The following MARCHF1 variants were observed in gnomAD, a reference collection of about 807,000 sequenced individuals.
MARCHF1 encodes membrane associated ring-CH-type finger 1, also known as E3 ubiquitin-protein ligase MARCHF1.
MARCHF1 carries 40 observed loss-of-function variants against 54.2 expected under a neutral mutation model. The ratio of observed to expected loss-of-function variants is 0.74; its 90% CI spans 0.57 to 0.96. The LOEUF is 0.96. MARCHF1 is among the 40% of genes least tolerant of loss of function. MARCHF1 has a pLI of 0.00. For synonymous variants in MARCHF1, 236 were observed against 236.3 expected (o/e 1.00, Z 0.01); for missense variants, 586 against 656.5 (o/e 0.89, Z 1.17).
chr4:163,841,361 G>A (rs984775666), intron 4 of MARCHF1, among the ~76,000 whole-genome samples: 4 of 152,014 alleles, frequency 2.6e-5, no homozygotes, highest in African/African-American at 7.2e-5. Flanking sequence ...GACTATGCTT[G>A]TGTAGGGGCT....
chr4:163,692,662 C>T (rs1744501952), intron 5 of MARCHF1, among the ~76,000 whole-genome samples: 2 of 144,544 alleles, frequency 1.4e-5, no homozygotes, highest in Non-Finnish European at 3.1e-5. Context: ...AGCAGCAAGA[C>T]ATTAGCTAAC....
chr4:163,969,850 G>A (rs2110835530), intron 3 of MARCHF1, among the ~76,000 whole-genome samples: 1 of 152,258 alleles, frequency 6.6e-6, no homozygotes, highest in Admixed American at 6.5e-5. Flanking sequence ...CATGTTTTGG[G>A]GGAAAACGTA....
At chr4:164,139,232 G>A (rs529725901) in intron 1 of MARCHF1, among the ~76,000 whole-genome samples, 1 of 152,038 alleles carries the variant, frequency 6.6e-6, no homozygotes, top group Non-Finnish European at 1.5e-5. Flanking sequence ...GAAATGCAGT[G>A]TTCTTTACTT....
chr4:163,868,767 T>C (rs1487719362), intron 3 of MARCHF1, among the ~76,000 whole-genome samples: 1 of 151,232 alleles, frequency 6.6e-6, no homozygotes, highest in Non-Finnish European at 1.5e-5. Flanking sequence ...ACTGGTGATT[T>C]AAAAAAAAAT....
intron 2 of MARCHF1, among the ~76,000 whole-genome samples, chr4:164,076,197 C>G (rs1170080952): frequency 6.6e-6 from 1 of 151,506 alleles, no homozygotes; most frequent in Non-Finnish European, 1.5e-5. Context: ...AGAAAACAAA[C>G]AAATTGGAAT....
At chr4:163,938,272 G>A (rs940124466) in intron 3 of MARCHF1, among the ~76,000 whole-genome samples, 3 of 152,110 alleles carry the variant, frequency 2.0e-5, no homozygotes, top group African/African-American at 7.2e-5. Flanking sequence ...AAGCTTTGGG[G>A]CACAAAAAGC....
At chr4:164,072,760 A>G (rs1754896419) in intron 2 of MARCHF1, among the ~76,000 whole-genome samples, 1 of 152,012 alleles carries the variant, frequency 6.6e-6, no homozygotes, top group African/African-American at 2.4e-5. Context: ...ATTTCATAGG[A>G]AAACACTGAT....
intron 8 of MARCHF1, among the ~76,000 whole-genome samples, chr4:163,572,334 T>TTTA (rs1491171835): frequency 1.4e-5 from 2 of 146,036 alleles, no homozygotes; most frequent in Non-Finnish European, 3.1e-5. Context: ...TTTTTTTTTT[T>TTTA]AAATAAATTG....
intron 2 of MARCHF1, among the ~76,000 whole-genome samples, chr4:164,063,051 C>G (rs1754654465): frequency 6.6e-6 from 1 of 152,146 alleles, no homozygotes; most frequent in African/African-American, 2.4e-5. Flanking sequence ...GGGGTTAAAA[C>G]GTTCAGTAAC....
chr4:164,344,527 A>T (rs2110856899), intron 1 of MARCHF1, among the ~76,000 whole-genome samples: 1 of 152,034 alleles, frequency 6.6e-6, no homozygotes, highest in East Asian at 1.9e-4. Flanking sequence ...TGAAGACTTT[A>T]TCTGCACTGA....
At chr4:164,257,778 G>C (rs1244346107) in intron 1 of MARCHF1, among the ~76,000 whole-genome samples, 1 of 152,088 alleles carries the variant, frequency 6.6e-6, no homozygotes, top group Non-Finnish European at 1.5e-5. Flanking sequence ...GACCAGCTTG[G>C]CCAATATGGC....
intron 1 of MARCHF1, among the ~76,000 whole-genome samples, chr4:164,364,166 C>G (rs1730808694): frequency 6.6e-6 from 1 of 151,970 alleles, no homozygotes; most frequent in Admixed American, 6.6e-5. Context: ...TTTTTAATAA[C>G]CTTTAGTCAG....
At chr4:164,080,488 A>G (rs1755072205) in intron 2 of MARCHF1, among the ~76,000 whole-genome samples, 1 of 152,178 alleles carries the variant, frequency 6.6e-6, no homozygotes, top group South Asian at 2.1e-4. Context: ...GTTAGAGGAA[A>G]AAAATAGAGC....
rs1271007935 is a variant in MARCHF1 at position 164,320,364 on chromosome 4, C to T, written c.-323+63506G>A. On this transcript the variant is annotated intron_variant, in intron 1 of 9. Coordinates refer to ENST00000514618, the MANE Select transcript of MARCHF1 (RefSeq NM_001394959.1). Reference sequence around the variant, plus strand: ...ATGAGAGGGGAGCCCTTGCAAAACACCACAAGTAGGAGAAGTAGGAGAACT... The same window carrying T: ...ATGAGAGGGGAGCCCTTGCAAAACATCACAAGTAGGAGAAGTAGGAGAACT... Among the ~76,000 whole-genome samples the T allele has an allele frequency of 2.6e-5, 4 of 152,040 alleles. No homozygotes were observed. In the South Asian group the frequency reaches 8.3e-4, roughly 32 times the overall value.
intron 4 of MARCHF1, among the ~76,000 whole-genome samples, chr4:163,820,385 T>C (rs1748658428): frequency 6.6e-6 from 1 of 152,080 alleles, no homozygotes; most frequent in South Asian, 2.1e-4. Flanking sequence ...TACCCTTCAC[T>C]ACTTGGCCAT....
At chr4:164,026,688 G>T (rs1054988002) in intron 2 of MARCHF1, among the ~76,000 whole-genome samples, 2 of 152,070 alleles carry the variant, frequency 1.3e-5, no homozygotes, top group African/African-American at 2.4e-5. Context: ...AGACAAGGAT[G>T]CCCAGTCTCA....
At chr4:164,208,451 A>G (rs1031165096) in intron 1 of MARCHF1, among the ~76,000 whole-genome samples, 2 of 152,214 alleles carry the variant, frequency 1.3e-5, no homozygotes, top group Admixed American at 6.5e-5. Flanking sequence ...GTATTTGTAG[A>G]CAAACTGCAG....
intron 2 of MARCHF1, among the ~76,000 whole-genome samples, chr4:164,036,102 C>CAAAAAAAAAAAAAAACAAAAAAAAAA (rs34183134): frequency 1.2e-5 from 1 of 82,902 alleles, no homozygotes; most frequent in African/African-American, 3.9e-5. Context: ...GATTCTGTCT[C>CAAAAAAAAAAAAAAACAAAAAAAAAA]AAAAAAAAAA....
At chr4:163,529,331 ATAT>A (rs145417428) in intron 9 of MARCHF1, among the ~76,000 whole-genome samples, 185 of 152,102 alleles carry the variant, frequency 1.2e-3, no homozygotes, top group African/African-American at 4.4e-3. Flanking sequence ...TAATTATGAG[ATAT>A]TATGTTAGAT....
Sources: allele counts gnomAD v4.1 joint callset (sites outside exome capture counted in the v4.1 genomes callset), GRCh38; gene constraint gnomAD v4.1.1; transcripts MANE v1.5; gene names NCBI Gene and HGNC (gene_info 2026-07-23, HGNC 2026-07-21).